The following SPAG16 variants were observed in gnomAD, a reference collection of about 807,000 sequenced individuals.
The protein encoded by SPAG16 is sperm associated antigen 16, also known as sperm-associated antigen 16 protein.
Under a neutral mutation model 80.4 loss-of-function variants are expected in SPAG16, and 86 were observed. The ratio of observed to expected loss-of-function variants is 1.07; its 90% confidence interval spans 0.90 to 1.28. The LOEUF (loss-of-function observed/expected upper bound fraction) is 1.28, where lower values mean the gene tolerates loss of function less well. SPAG16 is among the 50% of genes most tolerant of loss of function. SPAG16 has a pLI of 0.00. For synonymous variants in SPAG16, 294 were observed against 265.9 expected (o/e 1.11, Z -1.03); for missense variants, 870 against 765.3 (o/e 1.14, Z -1.61).
chr2:213,596,250 T>C (rs2060882018), intron 10 of SPAG16, among the ~76,000 whole-genome samples: 1 of 152,140 alleles, frequency 6.6e-6, no homozygotes, highest in African/African-American at 2.4e-5. Flanking sequence ...GCAGAGCTTT[T>C]ACATGTTGAT....
chr2:214,319,200 C>CCACATACACACACACACACACA, intron 15 of SPAG16, among the ~76,000 whole-genome samples: 1 of 142,340 alleles, frequency 7.0e-6, no homozygotes, highest in South Asian at 2.3e-4. Context: ...CACACACACA[C>CCACATACACACACACACACACA]CACACACACA....
At chr2:213,781,398 A>G (rs1481865630) in intron 10 of SPAG16, among the ~76,000 whole-genome samples, 1 of 152,182 alleles carries the variant, frequency 6.6e-6, no homozygotes, top group Non-Finnish European at 1.5e-5. Context: ...AAAGAAAAGC[A>G]AAAAGTTGAT....
intron 13 of SPAG16, among the ~76,000 whole-genome samples, chr2:214,035,575 G>C (rs944501038): frequency 6.6e-6 from 1 of 152,182 alleles, no homozygotes; most frequent in Non-Finnish European, 1.5e-5. Flanking sequence ...CAGTGCCCAG[G>C]CTCAGCCCCA....
At chr2:213,891,401 C>G (rs35618061) in intron 11 of SPAG16, among the ~76,000 whole-genome samples, 53 of 152,034 alleles carry the variant, frequency 3.5e-4, no homozygotes, top group Non-Finnish European at 6.5e-4. Flanking sequence ...ACCATAATAC[C>G]TAATACCTAA....
chr2:214,124,435 G>A (rs939978315), intron 14 of SPAG16, among the ~76,000 whole-genome samples: 1 of 151,638 alleles, frequency 6.6e-6, no homozygotes, highest in African/African-American at 2.4e-5. Context: ...ATTTATTATA[G>A]CCAGTCTTAA....
chr2:213,821,885 ATT>A (rs201076308), intron 10 of SPAG16, among the ~76,000 whole-genome samples: 1 of 152,064 alleles, frequency 6.6e-6, no homozygotes, highest in Non-Finnish European at 1.5e-5. Context: ...ATGGGATCTC[ATT>A]TTTTTGTAGC....
intron 5 of SPAG16, among the ~76,000 whole-genome samples, chr2:213,328,768 C>G (rs934595126): frequency 1.3e-5 from 2 of 152,094 alleles, no homozygotes; most frequent in African/African-American, 4.8e-5. Flanking sequence ...TAGGATACTT[C>G]TACTTGCTGT....
chr2:213,768,306 G>C (rs919062024), intron 10 of SPAG16, among the ~76,000 whole-genome samples: 1 of 152,124 alleles, frequency 6.6e-6, no homozygotes, highest in Non-Finnish European at 1.5e-5. Flanking sequence ...TCACTAAACA[G>C]GGCAATGACA....
At chr2:213,444,557 G>A (rs1166736607) in intron 9 of SPAG16, among the ~76,000 whole-genome samples, 1 of 151,918 alleles carries the variant, frequency 6.6e-6, no homozygotes, top group South Asian at 2.1e-4. Flanking sequence ...ATTTTGATAG[G>A]GATTGCATTA....
At chr2:214,138,481 A>G (rs1319373813) in intron 14 of SPAG16, among the ~76,000 whole-genome samples, 1 of 152,182 alleles carries the variant, frequency 6.6e-6, no homozygotes, top group Admixed American at 6.6e-5. Context: ...TTCTGAAACT[A>G]TAATTTCTCC....
chr2:213,963,969 T>C (rs2044584342), intron 12 of SPAG16, among the ~76,000 whole-genome samples: 1 of 152,144 alleles, frequency 6.6e-6, no homozygotes, highest in South Asian at 2.1e-4. Context: ...TGTTAATTTA[T>C]CCTTTCTGAC....
At chr2:213,288,027 T>G (rs1451683950) in intron 1 of SPAG16, among the ~76,000 whole-genome samples, 1 of 152,194 alleles carries the variant, frequency 6.6e-6, no homozygotes, top group Admixed American at 6.5e-5. Context: ...CACCTCAGCT[T>G]CCTGAGTAGC....
intron 10 of SPAG16, among the ~76,000 whole-genome samples, chr2:213,655,630 C>A (rs753656406): frequency 2.0e-5 from 3 of 152,124 alleles, no homozygotes; most frequent in East Asian, 1.9e-4. Context: ...AATATTGTTT[C>A]TTTGATCCTG....
At chr2:213,616,033 C>T (rs1398104825) in intron 10 of SPAG16, among the ~76,000 whole-genome samples, 1 of 152,144 alleles carries the variant, frequency 6.6e-6, no homozygotes, top group African/African-American at 2.4e-5. Flanking sequence ...ATGTTCTGCA[C>T]ATGTATCCCA....
chr2:214,028,642 T>C (rs1056002070), intron 13 of SPAG16, among the ~76,000 whole-genome samples: 1 of 152,092 alleles, frequency 6.6e-6, no homozygotes, highest in African/African-American at 2.4e-5. Flanking sequence ...TTTAAGAGTA[T>C]TATTAAATAA....
chr2:213,850,301 C>T, intron 10 of SPAG16, among the ~76,000 whole-genome samples: 1 of 152,150 alleles, frequency 6.6e-6, no homozygotes, highest in East Asian at 1.9e-4. Context: ...AGGACCAGCA[C>T]TACTATAACA....
intron 13 of SPAG16, among the ~76,000 whole-genome samples, chr2:214,100,241 A>G (rs955485807): frequency 6.6e-6 from 1 of 152,016 alleles, no homozygotes; most frequent in South Asian, 2.1e-4. Context: ...GGAAAATTAA[A>G]CCTTTTTTCT....
intron 10 of SPAG16, among the ~76,000 whole-genome samples, chr2:213,843,943 T>C (rs1418946461): frequency 7.7e-6 from 1 of 130,590 alleles, no homozygotes; most frequent in African/African-American, 2.6e-5. Context: ...TAATATAATA[T>C]AAAACTTATA....
intron 15 of SPAG16, 64 bp downstream of exon 15, chr2:214,149,330 ATT>A (rs1255302530): frequency 2.2e-6 from 3 of 1,343,722 alleles, no homozygotes; most frequent in Admixed American, 2.6e-5. Context: ...TTCTGAAACT[ATT>A]TTGTTTCTCC....
Sources: gnomAD v4.1 joint callset for allele counts (sites outside exome capture counted in the v4.1 genomes callset) on GRCh38, gnomAD v4.1.1 for gene constraint, MANE v1.5 for transcripts, NCBI Gene and HGNC (gene_info 2026-07-23, HGNC 2026-07-21) for gene names.